Variants in IQGAP2 observed in about 807,000 individuals in gnomAD.
The protein encoded by IQGAP2 is IQ motif containing GTPase activating protein 2.
A neutral mutation model predicts 201.3 loss-of-function variants in IQGAP2; 173 were observed. The observed-to-expected ratio is 0.86, with a 90% CI of 0.76 to 0.98. The LOEUF (loss-of-function observed/expected upper bound fraction) is 0.98, where lower values mean the gene tolerates loss of function less well. Among genes scored for constraint, IQGAP2 ranks in the 50% least tolerant of loss-of-function variants. The pLI is 0.00. For missense variants in IQGAP2, 1,687 were observed against 1,864.8 expected (o/e 0.90, Z 1.76); for synonymous variants, 675 against 673.9 (o/e 1.00, Z -0.03).
chr5:76,489,051 A>C (rs13153728), intron 2 of IQGAP2, among the ~76,000 whole-genome samples: 83,434 of 152,046 alleles, frequency 0.55, 23,070 homozygotes, highest in Middle Eastern at 0.66. Flanking sequence ...CCAGGCTCCC[A>C]GCTCCTTGTT....
chr5:76,461,082 G>A (rs984377255), intron 1 of IQGAP2, among the ~76,000 whole-genome samples: 1 of 151,936 alleles, frequency 6.6e-6, no homozygotes, highest in African/African-American at 2.4e-5. Flanking sequence ...GTTTCACCGT[G>A]TTAGCCAGGA....
Position 76,588,951 on chromosome 5 carries a change from G to A in IQGAP2, c.504G>A (p.Leu168=), listed in dbSNP as rs1175119596. The change falls in exon 6 of 36, where the codon TTG becomes TTA. Residue 168 remains leucine, a synonymous_variant. Transcript: ENST00000274364. ...GAATAGCACCCCAGATCCAGGATTTGTTGGGCAAAGTAGACTTCACAGGTA... is the reference window on the plus strand; with the variant it reads ...GAATAGCACCCCAGATCCAGGATTTATTGGGCAAAGTAGACTTCACAGGTA... ...KLGIAPQIQD[L]LGKVDFTEEE... The A allele has an allele frequency of 2.5e-6, 4 of 1,608,150 alleles. No individual in the cohort carries two copies. The African/African-American group carries it at 5.4e-5, about 22-fold the overall frequency.
intron 13 of IQGAP2, among the ~76,000 whole-genome samples, chr5:76,613,172 G>A (rs1218530979): frequency 6.6e-6 from 1 of 152,224 alleles, no homozygotes; most frequent in Non-Finnish European, 1.5e-5. Context: ...CTGAGGCTCA[G>A]GGCGAATGCC....
chr5:76,471,386 A>C (rs1310114981), intron 2 of IQGAP2, among the ~76,000 whole-genome samples: 3 of 136,810 alleles, frequency 2.2e-5, no homozygotes, highest in East Asian at 4.9e-4. Context: ...AAAAAAAAAA[A>C]CACCCTTCCC....
intron 2 of IQGAP2, among the ~76,000 whole-genome samples, chr5:76,528,183 T>G (rs1759077714): frequency 6.6e-6 from 1 of 152,218 alleles, no homozygotes; most frequent in African/African-American, 2.4e-5. Flanking sequence ...AATTTTTCTC[T>G]TGGCCAAATT....
At chr5:76,676,198 C>G (rs1744804212) in intron 27 of IQGAP2, among the ~76,000 whole-genome samples, 1 of 152,026 alleles carries the variant, frequency 6.6e-6, no homozygotes. Flanking sequence ...ATGTTCCCAC[C>G]TATTCTTTAT....
chr5:76,441,143 T>G (rs1442991808), intron 1 of IQGAP2, among the ~76,000 whole-genome samples: 1 of 152,184 alleles, frequency 6.6e-6, no homozygotes, highest in East Asian at 1.9e-4. Flanking sequence ...TTTCCTCATT[T>G]CGTGAGCGGA....
chr5:76,615,628 T>C (rs1374361052), intron 13 of IQGAP2: 1 of 152,340 alleles, frequency 6.6e-6, no homozygotes, highest in East Asian at 1.9e-4. Context: ...TATCATTCAC[T>C]CTTTACCACT....
intron 1 of IQGAP2, among the ~76,000 whole-genome samples, chr5:76,420,268 A>T (rs971540590): frequency 6.6e-6 from 1 of 152,134 alleles, no homozygotes; most frequent in African/African-American, 2.4e-5. Flanking sequence ...TTTTTGTGCT[A>T]AAATACACAT....
chr5:76,475,694 C>T (rs1258584580), intron 2 of IQGAP2, among the ~76,000 whole-genome samples: 1 of 152,184 alleles, frequency 6.6e-6, no homozygotes, highest in African/African-American at 2.4e-5. Context: ...CTGCCCCCCT[C>T]CCATAACCTG....
chr5:76,418,206 C>CAA (rs11329998), intron 1 of IQGAP2, among the ~76,000 whole-genome samples: 121 of 85,668 alleles, frequency 1.4e-3, no homozygotes, highest in South Asian at 4.0e-3. Flanking sequence ...GACTCCGTCT[C>CAA]AAAAAAAAAA....
At chr5:76,618,777 C>T in intron 13 of IQGAP2, 2 of 785,066 alleles carry the variant, frequency 2.5e-6, no homozygotes. Flanking sequence ...GTAGATTAGG[C>T]AGTCAACAAG....
chr5:76,470,110 G>A (rs1458296503), intron 2 of IQGAP2, among the ~76,000 whole-genome samples: 1 of 152,104 alleles, frequency 6.6e-6, no homozygotes, highest in African/African-American at 2.4e-5. Flanking sequence ...TTTTTGGACT[G>A]GAGATCTCAG....
intron 1 of IQGAP2, among the ~76,000 whole-genome samples, chr5:76,444,203 T>G (rs1580203243): frequency 2.0e-5 from 3 of 152,254 alleles, no homozygotes; most frequent in Middle Eastern, 3.4e-3. Flanking sequence ...CTGGGCAACA[T>G]AGTGAGACCC....
intron 20 of IQGAP2, among the ~76,000 whole-genome samples, chr5:76,657,950 T>G (rs1164340338): frequency 6.6e-6 from 1 of 152,196 alleles, no homozygotes; most frequent in Non-Finnish European, 1.5e-5. Context: ...TGTTTGGCTT[T>G]TACAGTCCTC....
At chr5:76,629,518 T>A (rs1443455923) in intron 14 of IQGAP2, among the ~76,000 whole-genome samples, 1 of 152,206 alleles carries the variant, frequency 6.6e-6, no homozygotes, top group Non-Finnish European at 1.5e-5. Context: ...TACTTTTGAT[T>A]CCTTAGAGCA....
At chr5:76,654,301 A>T in intron 19 of IQGAP2, 30 bp downstream of exon 19, 1 of 1,431,854 alleles carries the variant, frequency 7.0e-7, no homozygotes, top group Non-Finnish European at 9.7e-7. Context: ...GATTTTATCC[A>T]GGTTGATAAT....
At chr5:76,498,763 C>T (rs1192597802) in intron 2 of IQGAP2, among the ~76,000 whole-genome samples, 1 of 152,344 alleles carries the variant, frequency 6.6e-6, no homozygotes, top group African/African-American at 2.4e-5. Context: ...CCTGGTGTAT[C>T]TCCTTAAGGC....
At position 76,657,077 on chromosome 5, in the gene IQGAP2, C is replaced by T. The variant is rs562472180; in HGVS notation, c.2321-1382C>T. Among the ~76,000 whole-genome samples the T allele has an allele frequency of 2.6e-5, 4 of 152,216 alleles. No homozygotes were observed. In the East Asian group the frequency reaches 7.7e-4, roughly 29 times the overall value. Reference sequence around the variant, plus strand: ...AATACCTGTACCACAAAGTCATTCTCAGATGAAGATGGCAAAAAGCCTAGT... The same window carrying T: ...AATACCTGTACCACAAAGTCATTCTTAGATGAAGATGGCAAAAAGCCTAGT... On this transcript the variant is annotated intron_variant, in intron 20 of 35. Transcript: ENST00000274364.
Sources: gnomAD v4.1 joint callset for allele counts (sites outside exome capture counted in the v4.1 genomes callset) on GRCh38, gnomAD v4.1.1 for gene constraint, MANE v1.5 for transcripts, NCBI Gene and HGNC (gene_info 2026-07-23, HGNC 2026-07-21) for gene names.